DCDC2C: variants seen among roughly 807,000 people sequenced by gnomAD.
The protein encoded by DCDC2C is doublecortin domain containing 2C.
In DCDC2C, 44 loss-of-function variants were observed where a neutral mutation model predicts 45.0. That is an observed-to-expected ratio of 0.98 (90% CI 0.77 to 1.26). The LOEUF is 1.26. Ranked by LOEUF, DCDC2C falls within the 50% of genes most tolerant of loss-of-function variation. The pLI is 0.00. For missense variants in DCDC2C, 447 were observed against 468.9 expected, an observed-to-expected ratio of 0.95 and a Z score of 0.43; for synonymous variants, 187 against 178.8, an observed-to-expected ratio of 1.05 and a Z score of -0.37.
chr2:3,776,118 C>A (rs1207772449), intron 8 of DCDC2C, among the ~76,000 whole-genome samples: 1 of 152,222 alleles, frequency 6.6e-6, no homozygotes, highest in African/African-American at 2.4e-5. Context: ...GGATCCTTTC[C>A]CGCTCAGAAC....
At chr2:3,791,281 A>G (rs563298038) in intron 10 of DCDC2C, among the ~76,000 whole-genome samples, 1 of 152,374 alleles carries the variant, frequency 6.6e-6, no homozygotes, top group South Asian at 2.1e-4. Context: ...GGCATTTTAT[A>G]AGAGGCAGTC....
intron 10 of DCDC2C, among the ~76,000 whole-genome samples, chr2:3,797,344 A>T (rs1327302325): frequency 7.9e-6 from 1 of 126,902 alleles, no homozygotes; most frequent in Non-Finnish European, 1.6e-5. Flanking sequence ...TAATTTTTTG[A>T]AGGGTTTTTT....
chr2:3,755,435 G>A (rs996416866), intron 6 of DCDC2C, among the ~76,000 whole-genome samples: 5 of 151,012 alleles, frequency 3.3e-5, no homozygotes, highest in South Asian at 2.1e-4. Context: ...ATGGAGGCAT[G>A]CATGTGTATG....
chr2:3,707,043 C>A (rs537565803), intron 1 of DCDC2C, among the ~76,000 whole-genome samples: 18 of 152,176 alleles, frequency 1.2e-4, no homozygotes, highest in African/African-American at 4.1e-4. Context: ...TGGAAGTAGC[C>A]GGGAGGGAGC....
At chr2:3,772,847 G>A (rs1374955057) in intron 8 of DCDC2C, among the ~76,000 whole-genome samples, 1 of 152,216 alleles carries the variant, frequency 6.6e-6, no homozygotes, top group Non-Finnish European at 1.5e-5. Flanking sequence ...CAGGTGTTGG[G>A]AAGTTCACAC....
intron 9 of DCDC2C, among the ~76,000 whole-genome samples, chr2:3,779,764 G>T (rs1292793072): frequency 7.2e-6 from 1 of 139,282 alleles, no homozygotes. Flanking sequence ...TCGCAGCCTT[G>T]CCGGGAGTCA....
intron 8 of DCDC2C, among the ~76,000 whole-genome samples, chr2:3,770,471 T>C (rs1670133754): frequency 1.3e-5 from 2 of 152,276 alleles, no homozygotes; most frequent in African/African-American, 4.8e-5. Flanking sequence ...GCACCTTTCC[T>C]ATGAGTCCTG....
intron 3 of DCDC2C, 84 bp downstream of exon 3, chr2:3,727,163 C>A: frequency 1.7e-6 from 2 of 1,168,628 alleles, no homozygotes; most frequent in Non-Finnish European, 2.5e-6. Context: ...AAATGCCCCT[C>A]AGCCCCCTTT....
intron 10 of DCDC2C, among the ~76,000 whole-genome samples, chr2:3,811,821 G>A (rs1194262158): frequency 2.0e-5 from 3 of 152,146 alleles, no homozygotes; most frequent in Non-Finnish European, 4.4e-5. Flanking sequence ...GGCCTTTTAT[G>A]CATCTATTGA....
At chr2:3,828,878 T>A (rs1671888068) in intron 10 of DCDC2C, among the ~76,000 whole-genome samples, 1 of 152,252 alleles carries the variant, frequency 6.6e-6, no homozygotes, top group South Asian at 2.1e-4. Context: ...GAAGTTTAAT[T>A]CAAGGCAGTA....
rs60799536 is a variant in DCDC2C, at chr2:3,738,540, G to GAA, written c.417-3351_417-3350dup. 1.5e-3 allele frequency among the ~76,000 whole-genome samples: 111 copies of GAA among 71,966 alleles called. 9 individuals carry two copies. Among genetic ancestry groups the GAA allele is most frequent in the African/African-American group, 2.5e-3 (45 of 18,176 alleles). 47.2% of individuals were successfully genotyped at this position (71,966 alleles called of 152,430 possible). On this transcript the variant is annotated intron_variant, in intron 3 of 10. Transcript: ENST00000399143. ...ACATTTTTTCTGCTGGTCTATCTGG[G>GAA]AAAAAAAAAAAAAAAAAAAAAAAAA...
chr2:3,790,034 A>G (rs893507924), intron 10 of DCDC2C, among the ~76,000 whole-genome samples: 1 of 152,164 alleles, frequency 6.6e-6, no homozygotes, highest in Non-Finnish European at 1.5e-5. Context: ...TTATGACTGT[A>G]CCTCAAATCA....
At position 3,793,513 on chromosome 2, in the gene DCDC2C, A is replaced by T. The variant is rs1224384794; in HGVS notation, c.1065+8413A>T. 2.0e-5 allele frequency among the ~76,000 whole-genome samples: 3 copies of T among 152,196 alleles called. No homozygotes were observed. The East Asian group carries it at 5.8e-4, about 29-fold the overall frequency. On this transcript the variant is annotated intron_variant, in intron 10 of 10. Coordinates refer to ENST00000399143, the MANE Select transcript of DCDC2C (RefSeq NM_001287444.2). ...TGCTGTCCATCAGCAGAATGGACTG[A>T]GTCTGTGGGATCTTACAATTCTGAG...
At chr2:3,777,239 A>G (rs2148168389) in intron 8 of DCDC2C, among the ~76,000 whole-genome samples, 1 of 152,290 alleles carries the variant, frequency 6.6e-6, no homozygotes, top group South Asian at 2.1e-4. Flanking sequence ...TTACCAGAGG[A>G]TGTCTTTGTT....
At chr2:3,787,428 T>A (rs895734105) in intron 10 of DCDC2C, among the ~76,000 whole-genome samples, 2 of 152,212 alleles carry the variant, frequency 1.3e-5, no homozygotes, top group African/African-American at 2.4e-5. Context: ...TGGGGATAAA[T>A]GCTGTCTACT....
chr2:3,723,593 A>T (rs1382194745), intron 2 of DCDC2C, among the ~76,000 whole-genome samples: 1 of 152,146 alleles, frequency 6.6e-6, no homozygotes, highest in Non-Finnish European at 1.5e-5. Flanking sequence ...GGGTAGGTAG[A>T]GTAAGGGCAG....
chr2:3,828,690 A>G (rs1285625970), intron 10 of DCDC2C, among the ~76,000 whole-genome samples: 1 of 152,224 alleles, frequency 6.6e-6, no homozygotes, highest in East Asian at 1.9e-4. Context: ...TTCCTGCTGA[A>G]TGCTTATGGC....
intron 10 of DCDC2C, among the ~76,000 whole-genome samples, chr2:3,806,839 G>A (rs1026988275): frequency 3.3e-5 from 5 of 152,130 alleles, no homozygotes; most frequent in Non-Finnish European, 7.3e-5. Flanking sequence ...GAGCCACTGC[G>A]CCTGGCCCAT....
intron 10 of DCDC2C, among the ~76,000 whole-genome samples, chr2:3,799,939 G>T (rs1450405124): frequency 6.6e-6 from 1 of 152,222 alleles, no homozygotes; most frequent in Non-Finnish European, 1.5e-5. Context: ...AAGCAATCCT[G>T]GGCAATGGCG....
Sources: allele counts gnomAD v4.1 joint callset (sites outside exome capture counted in the v4.1 genomes callset), GRCh38; gene constraint gnomAD v4.1.1; transcripts MANE v1.5; gene names NCBI Gene and HGNC (gene_info 2026-07-23, HGNC 2026-07-21).